Variants in NBAS observed in about 807,000 individuals in gnomAD.
The protein encoded by NBAS is NBAS subunit of NRZ tethering complex, also known as NAG/BC035112 fusion.
NBAS carries 219 observed loss-of-function variants against 302.5 expected under a neutral mutation model. That is an observed-to-expected ratio of 0.72 (90% CI 0.65 to 0.81). The LOEUF (loss-of-function observed/expected upper bound fraction) is 0.81, where lower values mean the gene tolerates loss of function less well. Among genes scored for constraint, NBAS ranks in the 30% least tolerant of loss-of-function variants. The pLI, the probability that NBAS is intolerant of heterozygous loss-of-function variation, is 0.00. For synonymous variants in NBAS, 1,118 were observed against 1,021.6 expected (o/e 1.09, Z -1.80); for missense variants, 2,932 against 2,841.6 (o/e 1.03, Z -0.72).
the NBAS span, among the ~76,000 whole-genome samples, chr2:15,137,187 G>A: frequency 1.7e-4 from 26 of 152,284 alleles, no homozygotes; most frequent in East Asian, 4.4e-3. Flanking sequence ...CTCAGAATTT[G>A]AGAAATAAAT....
the NBAS span, among the ~76,000 whole-genome samples, chr2:15,035,695 T>C: frequency 1.3e-5 from 2 of 152,146 alleles, no homozygotes; most frequent in Non-Finnish European, 2.9e-5. Flanking sequence ...TGCAGGGACA[T>C]GGATGGAGCT....
chr2:14,864,317 T>A, the NBAS span, among the ~76,000 whole-genome samples: 3 of 126,076 alleles, frequency 2.4e-5, no homozygotes, highest in Non-Finnish European at 4.8e-5. Context: ...CGAGGCTCCA[T>A]CTCAAAAAAA....
At chr2:15,019,747 A>G in the NBAS span, among the ~76,000 whole-genome samples, 726 of 151,820 alleles carry the variant, frequency 4.8e-3, 6 homozygotes, top group African/African-American at 0.017. Flanking sequence ...GAATGAGACC[A>G]GTGCCTTTAT....
chr2:15,132,780 C>A, the NBAS span, among the ~76,000 whole-genome samples: 1 of 151,114 alleles, frequency 6.6e-6, no homozygotes, highest in Non-Finnish European at 1.5e-5. Flanking sequence ...AGCAACTCAA[C>A]AGAATTTTTA....
At chr2:15,144,046 A>ATATATATATATATATATTATCCTAT in the NBAS span, among the ~76,000 whole-genome samples, 8 of 104,542 alleles carry the variant, frequency 7.7e-5, 1 homozygote, top group African/African-American at 2.4e-4. Flanking sequence ...CCTATATATA[A>ATATATATATATATATATTATCCTAT]AAATATATAT....
intron 21 of NBAS, among the ~76,000 whole-genome samples, chr2:15,446,692 G>A (rs1043665890): frequency 6.6e-5 from 10 of 152,046 alleles, no homozygotes; most frequent in Non-Finnish European, 1.3e-4. Flanking sequence ...TAACAAAAAT[G>A]TATTACGGAG....
At chr2:15,536,681 CT>C (rs1203513330) in intron 7 of NBAS, 130 bp from the exon 8 acceptor site, 10 of 869,234 alleles carry the variant, frequency 1.2e-5, no homozygotes, top group Non-Finnish European at 1.4e-5. Context: ...CAGAATTGCT[CT>C]GTATACTCAA....
At chr2:14,833,426 AT>A in the NBAS span, among the ~76,000 whole-genome samples, 1 of 152,162 alleles carries the variant, frequency 6.6e-6, no homozygotes, top group African/African-American at 2.4e-5. Flanking sequence ...TCATCTAGAA[AT>A]ATTTCTCATC....
chr2:15,068,315 C>T, the NBAS span, among the ~76,000 whole-genome samples: 5 of 152,152 alleles, frequency 3.3e-5, no homozygotes, highest in Non-Finnish European at 7.3e-5. Context: ...ATACATTCAT[C>T]GATGCCGAAT....
At chr2:15,554,494 T>C (rs1664550837) in intron 3 of NBAS, among the ~76,000 whole-genome samples, 1 of 151,562 alleles carries the variant, frequency 6.6e-6, no homozygotes, top group African/African-American at 2.4e-5. Flanking sequence ...AATTCTAGCA[T>C]AGAGTTAAAC....
intron 1 of NBAS, among the ~76,000 whole-genome samples, chr2:15,558,996 G>A (rs1401240850): frequency 3.0e-5 from 4 of 134,196 alleles, no homozygotes; most frequent in Non-Finnish European, 4.6e-5. Flanking sequence ...TTGAAGCTAC[G>A]AAGCTACAGT....
chr2:14,904,503 A>T, the NBAS span, among the ~76,000 whole-genome samples: 23 of 152,198 alleles, frequency 1.5e-4, no homozygotes, highest in Non-Finnish European at 3.2e-4. Flanking sequence ...ACCTTCTTCC[A>T]GTATGACAGG....
the NBAS span, among the ~76,000 whole-genome samples, chr2:14,832,574 C>A: frequency 2.1e-3 from 317 of 152,274 alleles, 2 homozygotes; most frequent in African/African-American, 7.3e-3. Context: ...GGACAACACC[C>A]TTTCAATGAT....
intron 45 of NBAS, among the ~76,000 whole-genome samples, chr2:15,236,878 T>C (rs556951504): frequency 2.9e-4 from 44 of 152,090 alleles, no homozygotes; most frequent in Non-Finnish European, 4.4e-4. Context: ...AAACACAAAA[T>C]GAATAAAATT....
In NBAS at chr2:15,275,584, T is replaced by G. The variant is rs768106454; in HGVS notation, c.5624A>C (p.His1875Pro). The G allele has an allele frequency of 6.2e-7, 1 of 1,614,170 alleles. No homozygotes were observed. Among genetic ancestry groups the G allele is most frequent in the Non-Finnish European group, 8.5e-7 (1 of 1,180,020 alleles). ...GTACTTCATGCAGACATCATAGGCA[T>G]GAAGCCACTCCGGTGAAGAGCCTGG... is the stretch of plus-strand genomic sequence containing the variant. Reference protein sequence around the residue: ...QVPGSSPEWLHAYDVCMKYFD... With the variant: ...QVPGSSPEWLPAYDVCMKYFD... The change falls in exon 44 of 52, where the codon CAT becomes CCT. Residue 1875 changes from histidine (H) to proline (P), a missense_variant. Coordinates refer to ENST00000281513, the MANE Select transcript of NBAS (RefSeq NM_015909.4).
chr2:15,186,054 C>T (rs1665060452), intron 50 of NBAS, among the ~76,000 whole-genome samples: 1 of 151,118 alleles, frequency 6.6e-6, no homozygotes, highest in African/African-American at 2.4e-5. Flanking sequence ...AGAATGTTCT[C>T]CCTCTTTCTC....
chr2:15,027,588 T>C, the NBAS span, among the ~76,000 whole-genome samples: 4 of 152,148 alleles, frequency 2.6e-5, no homozygotes, highest in Non-Finnish European at 4.4e-5. Flanking sequence ...AATATAGTTT[T>C]ACTTCTTCTT....
chr2:14,993,510 A>C, the NBAS span, among the ~76,000 whole-genome samples: 1 of 152,242 alleles, frequency 6.6e-6, no homozygotes, highest in Non-Finnish European at 1.5e-5. Flanking sequence ...TTCTAGAACA[A>C]CACCATACAT....
At chr2:15,405,052 T>C (rs941364650) in intron 25 of NBAS, among the ~76,000 whole-genome samples, 2 of 152,232 alleles carry the variant, frequency 1.3e-5, no homozygotes, top group African/African-American at 4.8e-5. Flanking sequence ...AACCAGATTA[T>C]GTCTCCTTGT....
Sources: allele counts gnomAD v4.1 joint callset (sites outside exome capture counted in the v4.1 genomes callset), GRCh38; gene constraint gnomAD v4.1.1; transcripts MANE v1.5; gene names NCBI Gene and HGNC (gene_info 2026-07-23, HGNC 2026-07-21).